PDGFRL: variants seen among roughly 807,000 people sequenced by gnomAD.
PDGFRL encodes the protein platelet-derived growth factor receptor-like protein.
Under a neutral mutation model 37.2 loss-of-function variants are expected in PDGFRL, and 46 were observed. The ratio of observed to expected loss-of-function variants is 1.24; its 90% CI spans 0.98 to 1.58. The LOEUF is 1.58. Ranked by LOEUF, PDGFRL falls within the 40% of genes most tolerant of loss-of-function variation. The pLI, the probability that PDGFRL is intolerant of heterozygous loss-of-function variation, is 0.00. For synonymous variants in PDGFRL, 251 were observed against 184.3 expected, an observed-to-expected ratio of 1.36 and a Z score of -2.93; for missense variants, 692 against 467.6, an observed-to-expected ratio of 1.48 and a Z score of -4.43.
chr8:17,616,324 A>G (rs778804329), intron 2 of PDGFRL, among the ~76,000 whole-genome samples: 12 of 152,082 alleles, frequency 7.9e-5, no homozygotes, highest in Non-Finnish European at 1.3e-4. Flanking sequence ...CCTCCCCAGT[A>G]GCTGGGACTA....
rs2229084 is a variant in PDGFRL at position 17,628,773 on chromosome 8, T to C, written c.792T>C (p.Tyr264=). 1,609,673 of 1,613,474 alleles carry C rather than the reference T, an allele frequency of 1. 803,018 individuals carry two copies. Among genetic ancestry groups the C allele is most frequent in the East Asian group, 1 (44,844 of 44,844 alleles). The part of the protein sequence containing the change: ...SQISVKYQLL[Y]VAVPSGPPST... ...TCTCCGTCAAGTACCAGCTGCTCTA[T>C]GTGGCGGGTAAGCCTGGCCACCCCT... The change falls in exon 4 of 6, where the codon TAT becomes TAC. Residue 264 remains tyrosine, a synonymous_variant. Coordinates refer to ENST00000251630, the MANE Select transcript of PDGFRL (RefSeq NM_001372073.1).
chr8:17,589,894 G>T (rs373191598), intron 2 of PDGFRL, 129 bp downstream of exon 2: 4 of 624,022 alleles, frequency 6.4e-6, no homozygotes, highest in Admixed American at 3.2e-5. Flanking sequence ...AAAAATAGAA[G>T]CTCAAAGGGC....
chr8:17,592,406 C>T (rs1410214274), intron 2 of PDGFRL, among the ~76,000 whole-genome samples: 2 of 152,124 alleles, frequency 1.3e-5, no homozygotes, highest in Non-Finnish European at 2.9e-5. Flanking sequence ...TTCTCACTGC[C>T]GCTGGAGCAA....
At chr8:17,617,168 T>G (rs1325642775) in intron 2 of PDGFRL, among the ~76,000 whole-genome samples, 1 of 152,168 alleles carries the variant, frequency 6.6e-6, no homozygotes, top group Non-Finnish European at 1.5e-5. Context: ...ACACTTTCAC[T>G]TTGAAACATG....
In PDGFRL at chr8:17,628,683, G is replaced by C; in HGVS notation, c.702G>C (p.Leu234=). 1 of 1,614,004 alleles carries C rather than the reference G, an allele frequency of 6.2e-7. No homozygotes were observed. Among genetic ancestry groups the C allele is most frequent in the Non-Finnish European group, 8.5e-7 (1 of 1,179,842 alleles). The change falls in exon 4 of 6, where the codon CTG becomes CTC. Residue 234 remains leucine, a synonymous_variant. Coordinates refer to ENST00000251630, the MANE Select transcript of PDGFRL (RefSeq NM_001372073.1). ...ACATGAAGCGGGGCTTTGTGTATCTGCAACCTCATTCCGAGCACCAGGGTG... is the reference window on the plus strand; with the variant it reads ...ACATGAAGCGGGGCTTTGTGTATCTCCAACCTCATTCCGAGCACCAGGGTG... ...VYDMKRGFVY[L]QPHSEHQGVV... is the part of the protein sequence containing the mutation.
At position 17,586,474 on chromosome 8, in the gene PDGFRL, G is replaced by C. The variant is rs138995337; in HGVS notation, c.56-2994G>C. Among the ~76,000 whole-genome samples, 17 of 152,330 alleles carry C rather than the reference G, an allele frequency of 1.1e-4. No individual in the cohort carries two copies. In the East Asian group the frequency reaches 3.1e-3, roughly 28 times the overall value. ...ATATGCTAATCTCTAAGTGGATGGA[G>C]AGGCAATGGCATGAGCCAGAGAAAG... On this transcript the variant is annotated intron_variant, in intron 1 of 5. Transcript: ENST00000251630.
chr8:17,592,073 G>T (rs1372172020), intron 2 of PDGFRL, among the ~76,000 whole-genome samples: 1 of 152,124 alleles, frequency 6.6e-6, no homozygotes, highest in African/African-American at 2.4e-5. Flanking sequence ...AGACTGGGCG[G>T]CATCCATGCC....
intron 3 of PDGFRL, among the ~76,000 whole-genome samples, chr8:17,622,059 C>A (rs1050979291): frequency 1.3e-5 from 2 of 152,178 alleles, no homozygotes; most frequent in African/African-American, 4.8e-5. Flanking sequence ...GTCCCTGTCC[C>A]TAAGCCTCAG....
At chr8:17,592,626 C>T (rs1339320601) in intron 2 of PDGFRL, among the ~76,000 whole-genome samples, 3 of 152,152 alleles carry the variant, frequency 2.0e-5, no homozygotes, top group Non-Finnish European at 4.4e-5. Context: ...CTGGGGACTT[C>T]GAGTTTGCTC....
Position 17,642,883 on chromosome 8 carries a change from T to TAAA in PDGFRL, c.*82_*83insAAA. ...TTTGGGGTTCCTTTTATTAGTGCTT[T>TAAA]GCCAGAGGCTGATGTCAAGCACCAC... On this transcript the variant is annotated 3_prime_UTR_variant, in exon 6 of 6. Transcript: ENST00000251630. 1.2e-6 allele frequency: 1 copy of TAAA among 854,046 alleles called. No individual in the cohort carries two copies. The highest frequency in any genetic ancestry group is 1.9e-6 in the Non-Finnish European group (1 of 526,430). 52.9% of individuals were successfully genotyped at this position (854,046 alleles called of 1,614,324 possible). A position where few individuals can be genotyped will look rare whatever the true frequency, so the allele number is the denominator to read the frequency against.
chr8:17,586,411 G>A (rs1585298938), intron 1 of PDGFRL, among the ~76,000 whole-genome samples: 1 of 152,156 alleles, frequency 6.6e-6, no homozygotes. Context: ...GAATCTCATG[G>A]TGCATGAGAT....
At chr8:17,634,800 C>G (rs183082065) in intron 5 of PDGFRL, among the ~76,000 whole-genome samples, 5 of 152,114 alleles carry the variant, frequency 3.3e-5, no homozygotes, top group Non-Finnish European at 5.9e-5. Flanking sequence ...GGGGAACACA[C>G]ACTGGGGCCT....
intron 4 of PDGFRL, 126 bp from the exon 5 acceptor site, chr8:17,633,948 A>G (rs1276041533): frequency 5.2e-5 from 49 of 942,536 alleles, no homozygotes; most frequent in Non-Finnish European, 5.2e-6. Flanking sequence ...CTGTCCTCGC[A>G]CTGGTCAGGG....
intron 1 of PDGFRL, among the ~76,000 whole-genome samples, chr8:17,582,038 T>C (rs1458577234): frequency 6.6e-6 from 1 of 152,152 alleles, no homozygotes; most frequent in East Asian, 1.9e-4. Context: ...AGATTGGTTA[T>C]ATAGTTGTGA....
chr8:17,628,433 C>A, intron 3 of PDGFRL, 54 bp from the exon 4 acceptor site: 2 of 1,445,368 alleles, frequency 1.4e-6, no homozygotes, highest in Non-Finnish European at 1.9e-6. Context: ...CTTAAGGGTG[C>A]TTTTACTTTG....
chr8:17,637,553 T>C (rs1202534407), intron 5 of PDGFRL, among the ~76,000 whole-genome samples: 1 of 152,180 alleles, frequency 6.6e-6, no homozygotes, highest in Non-Finnish European at 1.5e-5. Flanking sequence ...TGTCCTTTCC[T>C]GGTTTTGGTA....
intron 2 of PDGFRL, among the ~76,000 whole-genome samples, chr8:17,591,439 C>A (rs1803938218): frequency 6.6e-6 from 1 of 152,126 alleles, no homozygotes. Context: ...TCCTGTGCAC[C>A]TTGGTGAAGT....
intron 4 of PDGFRL, 46 bp from the exon 5 acceptor site, chr8:17,634,028 G>C (rs199591128): frequency 6.2e-7 from 1 of 1,601,364 alleles, no homozygotes; most frequent in Admixed American, 1.7e-5. Flanking sequence ...TTGTTTTCAA[G>C]GTTACACTCG....
At chr8:17,595,059 G>C (rs1804023172) in intron 2 of PDGFRL, among the ~76,000 whole-genome samples, 1 of 150,750 alleles carries the variant, frequency 6.6e-6, no homozygotes, top group African/African-American at 2.4e-5. Context: ...TTTGTGTTTT[G>C]AATACACAAG....
Sources: gnomAD v4.1 joint callset for allele counts (sites outside exome capture counted in the v4.1 genomes callset) on GRCh38, gnomAD v4.1.1 for gene constraint, MANE v1.5 for transcripts, NCBI Gene and HGNC (gene_info 2026-07-23, HGNC 2026-07-21) for gene names.